Variants in TMT1B observed in about 807,000 individuals in gnomAD.
TMT1B encodes the protein thiol S-methyltransferase TMT1B.
At chr12:55,682,023 C>G in the TMT1B span, 1 of 1,614,252 alleles carries the variant, frequency 6.2e-7, no homozygotes, top group Non-Finnish European at 8.5e-7. Flanking sequence ...TTCTACCCAC[C>G]GGGCTGCAGG....
chr12:55,682,916 T>C, the TMT1B span, among the ~76,000 whole-genome samples: 3 of 152,120 alleles, frequency 2.0e-5, no homozygotes, highest in African/African-American at 7.2e-5. Context: ...GTAGAATCCA[T>C]CAGACTGTGG....
chr12:55,682,416 G>A, the TMT1B span, among the ~76,000 whole-genome samples: 5 of 152,014 alleles, frequency 3.3e-5, no homozygotes, highest in East Asian at 1.9e-4. Context: ...GTGCCATGAC[G>A]GGGCACAATT....
At chr12:55,682,350 T>C in the TMT1B span, 3 of 1,182,924 alleles carry the variant, frequency 2.5e-6, no homozygotes, top group Non-Finnish European at 2.4e-6. Flanking sequence ...AGGTAGTAAG[T>C]AGCACATTAG....
chr12:55,682,607 CAAAAA>C, the TMT1B span, among the ~76,000 whole-genome samples: 5 of 104,160 alleles, frequency 4.8e-5, no homozygotes, highest in African/African-American at 1.1e-4. Context: ...GCCGTCTCTA[CAAAAA>C]AAAAAAAAAA....
chr12:55,682,904 G>C, the TMT1B span, among the ~76,000 whole-genome samples: 3,282 of 152,324 alleles, frequency 0.022, 108 homozygotes, highest in African/African-American at 0.075. Context: ...AGGGGAAGTA[G>C]AGTAGAATCC....
At chr12:55,681,837 G>A in the TMT1B span, 1 of 1,568,676 alleles carries the variant, frequency 6.4e-7, no homozygotes. Context: ...CTGGGCTGCT[G>A]GCAGCCCCTG....
chr12:55,684,385 T>G, the TMT1B span: 1 of 296,566 alleles, frequency 3.4e-6, no homozygotes, highest in Non-Finnish European at 6.6e-6. Flanking sequence ...AAAGCTCCTC[T>G]CGCTTTCCTC....
At chr12:55,683,990 C>G in the TMT1B span, 2 of 1,613,954 alleles carry the variant, frequency 1.2e-6, no homozygotes, top group African/African-American at 1.3e-5. Context: ...GGAACGACAG[C>G]CCCCTCCCTT....
At chr12:55,682,650 G>A in the TMT1B span, among the ~76,000 whole-genome samples, 2 of 151,800 alleles carry the variant, frequency 1.3e-5, no homozygotes, top group Non-Finnish European at 2.9e-5. Flanking sequence ...GCCAGGCGTG[G>A]TGGCACATGC....
At chr12:55,682,149 A>T in the TMT1B span, 6 of 1,613,956 alleles carry the variant, frequency 3.7e-6, no homozygotes, top group Non-Finnish European at 5.1e-6. Flanking sequence ...GACATGAGAC[A>T]GCTGGCTGAT....
At chr12:55,682,240 A>G in the TMT1B span, 6 of 1,612,624 alleles carry the variant, frequency 3.7e-6, no homozygotes, top group Non-Finnish European at 5.1e-6. Context: ...AGGTCCGGAG[A>G]GTACTGAGAC....
At chr12:55,684,447 C>T in the TMT1B span, 10,716 of 189,796 alleles carry the variant, frequency 0.056, 1,199 homozygotes, top group African/African-American at 0.24. Flanking sequence ...GTCATGGTGC[C>T]TGCATCCCTG....
chr12:55,682,096 C>G, the TMT1B span: 1 of 1,614,198 alleles, frequency 6.2e-7, no homozygotes, highest in South Asian at 1.1e-5. Flanking sequence ...TGGCTGAGAA[C>G]AGGCACCTCC....
At chr12:55,682,154 G>A in the TMT1B span, 1 of 1,614,064 alleles carries the variant, frequency 6.2e-7, no homozygotes, top group East Asian at 2.2e-5. Flanking sequence ...GAGACAGCTG[G>A]CTGATGGCTC....
the TMT1B span, chr12:55,684,051 C>A: frequency 6.2e-7 from 1 of 1,612,444 alleles, no homozygotes; most frequent in Non-Finnish European, 8.5e-7. Flanking sequence ...GTCAAATAAT[C>A]TTTCCCAAGC....
At chr12:55,681,901 C>A in the TMT1B span, 27 of 1,613,122 alleles carry the variant, frequency 1.7e-5, no homozygotes, top group East Asian at 4.0e-4. Flanking sequence ...AGAGCAACCG[C>A]AAGATGGAGA....
the TMT1B span, chr12:55,683,961 A>T: frequency 6.2e-7 from 1 of 1,614,096 alleles, no homozygotes; most frequent in Non-Finnish European, 8.5e-7. Flanking sequence ...GAGAACGCCC[A>T]GTTCTCCGAA....
chr12:55,682,258 C>T, the TMT1B span: 1 of 1,604,616 alleles, frequency 6.2e-7, no homozygotes, highest in Non-Finnish European at 8.5e-7. Flanking sequence ...GACCGGTAAG[C>T]AGGGTGGGAA....
At chr12:55,684,432 C>CA in the TMT1B span, 1 of 200,856 alleles carries the variant, frequency 5.0e-6, no homozygotes, top group Non-Finnish European at 1.0e-5. Flanking sequence ...GAACTGGTCA[C>CA]AAAAGTCATG....
Sources: gnomAD v4.1 joint callset for allele counts (sites outside exome capture counted in the v4.1 genomes callset) on GRCh38, gnomAD v4.1.1 for gene constraint, MANE v1.5 for transcripts, NCBI Gene and HGNC (gene_info 2026-07-23, HGNC 2026-07-21) for gene names.